The following SLC38A6 variants were observed in gnomAD, a reference collection of about 807,000 sequenced individuals.
SLC38A6 encodes the protein solute carrier family 38 member 6, also known as N system amino acid transporter NAT-1.
A neutral mutation model predicts 65.0 loss-of-function variants in SLC38A6; 73 were observed. The ratio of observed to expected loss-of-function variants is 1.12; its 90% CI spans 0.93 to 1.37. The LOEUF (loss-of-function observed/expected upper bound fraction) is 1.37, where lower values mean the gene tolerates loss of function less well. Among genes scored for constraint, SLC38A6 ranks in the 40% most tolerant of loss-of-function variants. The pLI, the probability that SLC38A6 is intolerant of heterozygous loss-of-function variation, is 0.00. For missense variants in SLC38A6, 561 were observed against 531.1 expected (o/e 1.06, Z -0.55); for synonymous variants, 183 against 178.8 (o/e 1.02, Z -0.19).
chr14:61,023,319 C>T (rs1383053029), intron 5 of SLC38A6, among the ~76,000 whole-genome samples: 7 of 151,998 alleles, frequency 4.6e-5, no homozygotes, highest in Admixed American at 3.9e-4. Flanking sequence ...GCCTGTAAGC[C>T]TAGCACTTTG....
chr14:61,018,885 A>G (rs998083839), intron 4 of SLC38A6, among the ~76,000 whole-genome samples: 1 of 152,176 alleles, frequency 6.6e-6, no homozygotes, highest in African/African-American at 2.4e-5. Context: ...ACATTCTCAC[A>G]TATTATCAAC....
At position 61,014,233 on chromosome 14, in the gene SLC38A6, A is replaced by G. The variant is rs542734656; in HGVS notation, c.311-1671A>G. ...TTCTCGTGCCGTGGTTTTCAGCTCC[A>G]TCAGGTCCTTTAGGGACTTCTCTGC... is the stretch of plus-strand genomic sequence containing the variant. On this transcript the variant is annotated intron_variant, in intron 3 of 15. Transcript: ENST00000267488. Among the ~76,000 whole-genome samples, 4 of 152,194 alleles carry G rather than the reference A, an allele frequency of 2.6e-5. No individual in the cohort carries two copies. In the South Asian group the frequency reaches 6.2e-4, roughly 24 times the overall value.
rs759968619 is a variant in SLC38A6 at position 61,037,142 on chromosome 14, G to A, written c.565+1G>A. 8.8e-6 allele frequency: 14 copies of A among 1,591,496 alleles called. No homozygotes were observed. The East Asian group carries it at 2.7e-4, about 31-fold the overall frequency. Reference sequence around the variant, plus strand: ...CCTCTTGCACTTCTTCCCAAAATAGGTAAGTCTTTATAGAGCACATTATTT... The same window carrying A: ...CCTCTTGCACTTCTTCCCAAAATAGATAAGTCTTTATAGAGCACATTATTT... On this transcript the variant is annotated splice_donor_variant, in intron 7 of 15. Transcript: ENST00000267488. LOFTEE classifies it high-confidence loss of function.
At chr14:61,005,256 C>G (rs2139413406) in intron 3 of SLC38A6, among the ~76,000 whole-genome samples, 1 of 149,548 alleles carries the variant, frequency 6.7e-6, no homozygotes, top group African/African-American at 2.4e-5. Flanking sequence ...GAAGCATTCC[C>G]TTTGAAAACT....
intron 12 of SLC38A6, among the ~76,000 whole-genome samples, chr14:61,047,209 T>A (rs1200867545): frequency 6.6e-6 from 1 of 152,122 alleles, no homozygotes; most frequent in African/African-American, 2.4e-5. Flanking sequence ...AATAGAACTA[T>A]CTGGAAGAAA....
At chr14:61,044,728 A>G (rs2042029241) in intron 10 of SLC38A6, among the ~76,000 whole-genome samples, 1 of 152,168 alleles carries the variant, frequency 6.6e-6, no homozygotes, top group African/African-American at 2.4e-5. Context: ...TATTCTAATA[A>G]TAAAAACAAA....
intron 4 of SLC38A6, 120 bp from the exon 5 acceptor site, chr14:61,019,421 A>G: frequency 1.2e-6 from 1 of 810,810 alleles, no homozygotes; most frequent in Non-Finnish European, 1.9e-6. Context: ...ATTTCTTTTT[A>G]GTTTCTCCTC....
At chr14:61,018,510 CAA>C (rs2040156542) in intron 4 of SLC38A6, among the ~76,000 whole-genome samples, 1 of 152,134 alleles carries the variant, frequency 6.6e-6, no homozygotes, top group African/African-American at 2.4e-5. Flanking sequence ...GAATTCCTAA[CAA>C]AGATGGGCAT....
At chr14:61,035,902 G>T in intron 6 of SLC38A6, among the ~76,000 whole-genome samples, 1 of 151,954 alleles carries the variant, frequency 6.6e-6, no homozygotes, top group Non-Finnish European at 1.5e-5. Context: ...GGTATTTTAA[G>T]TATATCCTTC....
At chr14:61,010,180 C>G (rs549437655) in intron 3 of SLC38A6, among the ~76,000 whole-genome samples, 1 of 152,256 alleles carries the variant, frequency 6.6e-6, no homozygotes, top group South Asian at 2.1e-4. Flanking sequence ...TAAATGTCTT[C>G]TTTTGAGAAG....
chr14:61,016,534 A>G (rs950547857), intron 4 of SLC38A6, among the ~76,000 whole-genome samples: 1 of 152,196 alleles, frequency 6.6e-6, no homozygotes, highest in Non-Finnish European at 1.5e-5. Flanking sequence ...TACTCAGAAT[A>G]AGAGAAATAA....
chr14:60,994,046 A>C (rs1035662157), intron 3 of SLC38A6, among the ~76,000 whole-genome samples: 1 of 152,214 alleles, frequency 6.6e-6, no homozygotes, highest in African/African-American at 2.4e-5. Context: ...ACCAAACTAA[A>C]TATAATCTCA....
intron 1 of SLC38A6, chr14:60,982,122 A>G (rs1057055555): frequency 6.5e-6 from 3 of 458,932 alleles, no homozygotes; most frequent in Non-Finnish European, 1.3e-5. Flanking sequence ...AGGAGAAACA[A>G]CTGCCCACAG....
chr14:61,052,483 G>T lies in SLC38A6; in HGVS notation c.*54G>T. The T allele has an allele frequency of 1.3e-6, 2 of 1,514,096 alleles. No individual in the cohort carries two copies. Among genetic ancestry groups the T allele is most frequent in the South Asian group, 1.4e-5 (1 of 73,452 alleles). The allele number at this position is 1,514,096 out of a possible 1,614,324, so 93.8% of individuals were successfully genotyped here. Reference sequence around the variant, plus strand: ...ATAATATACCCCTAGTTGCAAGAATGAATTATTCCGGAAGACACCCTGGAT... The same window carrying T: ...ATAATATACCCCTAGTTGCAAGAATTAATTATTCCGGAAGACACCCTGGAT... On this transcript the variant is annotated 3_prime_UTR_variant, in exon 16 of 16. Coordinates refer to ENST00000267488, the MANE Select transcript of SLC38A6 (RefSeq NM_153811.3).
intron 3 of SLC38A6, among the ~76,000 whole-genome samples, chr14:61,012,170 T>A (rs556138240): frequency 4.6e-5 from 7 of 152,242 alleles, no homozygotes; most frequent in Non-Finnish European, 7.3e-5. Context: ...TTTATTTGCA[T>A]AGAGGTGTTT....
chr14:61,000,527 A>G (rs2038633330), intron 3 of SLC38A6, among the ~76,000 whole-genome samples: 1 of 152,224 alleles, frequency 6.6e-6, no homozygotes, highest in African/African-American at 2.4e-5. Context: ...GCTACTCGGG[A>G]GCCCGAGTCA....
At position 61,030,527 on chromosome 14, in the gene SLC38A6, A is replaced by AG. The variant is rs774269565; in HGVS notation, c.482+5dup. 1.3e-6 allele frequency: 2 copies of AG among 1,588,458 alleles called. No homozygotes were observed. Among genetic ancestry groups the AG allele is most frequent in the Non-Finnish European group, 1.7e-6 (2 of 1,160,978 alleles). On this transcript the variant is annotated splice_donor_region_variant and intron_variant, in intron 6 of 15. Transcript: ENST00000267488. ...TTTTGACTGGAGACTATAGTAGGTA[A>AG]GAAAAAGTATTTTACATTGTGTCCG...
intron 12 of SLC38A6, among the ~76,000 whole-genome samples, chr14:61,047,763 G>A (rs2042239734): frequency 6.6e-6 from 1 of 152,026 alleles, no homozygotes; most frequent in Non-Finnish European, 1.5e-5. Context: ...ACAGGGATTT[G>A]TCTAATATCA....
chr14:61,036,630 GTTC>G (rs1338507230), intron 6 of SLC38A6, among the ~76,000 whole-genome samples: 4 of 152,020 alleles, frequency 2.6e-5, no homozygotes, highest in African/African-American at 9.7e-5. Context: ...AAAAGTGTAT[GTTC>G]TTATTATTTT....
Sources: allele counts gnomAD v4.1 joint callset (sites outside exome capture counted in the v4.1 genomes callset), GRCh38; gene constraint gnomAD v4.1.1; transcripts MANE v1.5; gene names NCBI Gene and HGNC (gene_info 2026-07-23, HGNC 2026-07-21).